MAPK4: variants seen among roughly 807,000 people sequenced by gnomAD.
MAPK4 encodes mitogen-activated protein kinase 4, also known as Erk3-related.
A neutral mutation model predicts 47.7 loss-of-function variants in MAPK4; 22 were observed. The ratio of observed to expected loss-of-function variants is 0.46; its 90% CI spans 0.33 to 0.66. MAPK4 has a LOEUF of 0.66. MAPK4 is among the 30% of genes least tolerant of loss of function. The pLI, the probability that MAPK4 is intolerant of heterozygous loss-of-function variation, is 0.02. For missense variants in MAPK4, 736 were observed against 831.7 expected, an observed-to-expected ratio of 0.88 and a Z score of 1.42; for synonymous variants, 390 against 365.7, an observed-to-expected ratio of 1.07 and a Z score of -0.76.
chr18:50,691,070 G>A (rs539087967), intron 2 of MAPK4, among the ~76,000 whole-genome samples: 1 of 152,196 alleles, frequency 6.6e-6, no homozygotes, highest in Non-Finnish European at 1.5e-5. Flanking sequence ...ATGGCTCACT[G>A]CAACCTCCGC....
intron 1 of MAPK4, among the ~76,000 whole-genome samples, chr18:50,605,249 AAC>A (rs1227417132): frequency 2.0e-5 from 3 of 152,212 alleles, no homozygotes; most frequent in African/African-American, 7.2e-5. Flanking sequence ...CCATGCTTTT[AAC>A]TACTGGATGG....
At chr18:50,612,931 T>C (rs140536171) in intron 1 of MAPK4, among the ~76,000 whole-genome samples, 29 of 152,270 alleles carry the variant, frequency 1.9e-4, no homozygotes, top group African/African-American at 6.0e-4. Flanking sequence ...GTGTGGAACC[T>C]TGTAGCCGGA....
At chr18:50,571,044 T>A (rs2042245758) in intron 1 of MAPK4, among the ~76,000 whole-genome samples, 1 of 152,016 alleles carries the variant, frequency 6.6e-6, no homozygotes, top group South Asian at 2.1e-4. Context: ...CATAGCCTCC[T>A]CCCTCACCCT....
At chr18:50,565,136 G>C (rs2042187833) in intron 1 of MAPK4, among the ~76,000 whole-genome samples, 1 of 152,242 alleles carries the variant, frequency 6.6e-6, no homozygotes, top group South Asian at 2.1e-4. Context: ...GGAGCTAAGA[G>C]AATGTTCTCA....
At chr18:50,613,868 C>T (rs4599004) in intron 1 of MAPK4, among the ~76,000 whole-genome samples, 36,591 of 151,972 alleles carry the variant, frequency 0.24, 4,625 homozygotes, top group East Asian at 0.46. Flanking sequence ...TTTAATTGCC[C>T]TAAGAGAGAC....
intron 1 of MAPK4, among the ~76,000 whole-genome samples, chr18:50,617,228 T>G (rs1030043141): frequency 1.5e-4 from 4 of 26,920 alleles, no homozygotes; most frequent in African/African-American, 5.9e-4. Context: ...GTAAAACAAT[T>G]TGAACAGAAG....
chr18:50,635,451 T>C (rs2042876768), intron 1 of MAPK4, among the ~76,000 whole-genome samples: 1 of 152,156 alleles, frequency 6.6e-6, no homozygotes, highest in Admixed American at 6.5e-5. Context: ...AGTATCCAAA[T>C]TCAAGATACT....
At chr18:50,633,111 T>C (rs7242879) in intron 1 of MAPK4, among the ~76,000 whole-genome samples, 2,271 of 152,306 alleles carry the variant, frequency 0.015, 53 homozygotes, top group African/African-American at 0.047. Context: ...CCAGCTCCCA[T>C]GTCTCTGTAT....
intron 2 of MAPK4, among the ~76,000 whole-genome samples, chr18:50,688,889 T>TTA (rs1555655411): frequency 1.7e-5 from 2 of 115,926 alleles, no homozygotes; most frequent in African/African-American, 3.3e-5. Flanking sequence ...CCTATGGAAA[T>TTA]AAAAAAAAAA....
chr18:50,627,544 C>T (rs1478197811), intron 1 of MAPK4, among the ~76,000 whole-genome samples: 1 of 152,192 alleles, frequency 6.6e-6, no homozygotes, highest in African/African-American at 2.4e-5. Context: ...AGCTGAACAC[C>T]CTGCCACTGT....
rs77677063 is a variant in MAPK4, at chr18:50,721,934, C to T, written c.692-4C>T. 8.1e-3 allele frequency: 13,082 copies of T among 1,613,948 alleles called. 63 individuals carry two copies. Among genetic ancestry groups the T allele is most frequent in the Non-Finnish European group, 9.9e-3 (11,671 of 1,179,974 alleles). On this transcript the variant is annotated splice_region_variant and splice_polypyrimidine_tract_variant and intron_variant, in intron 3 of 5. Transcript: ENST00000400384. Reference sequence around the variant, plus strand: ...CACTTAACCATCTGGCATTGCCTCCCCAGGGGCCCATGAGCTGGAGCAGAT... The same window carrying T: ...CACTTAACCATCTGGCATTGCCTCCTCAGGGGCCCATGAGCTGGAGCAGAT...
In MAPK4 at chr18:50,634,633, T is replaced by C. The variant is rs146233920; in HGVS notation, c.-870-28456T>C. ...TCCCCATAGGCATAAGAGGTGTTTT[T>C]GTAGATCATGGAAGAAATTCTGTGA... On this transcript the variant is annotated intron_variant, in intron 1 of 5. Transcript: ENST00000400384. Among the ~76,000 whole-genome samples, 26 of 152,358 alleles carry C rather than the reference T, an allele frequency of 1.7e-4. 1 individual carries two copies. The East Asian group carries it at 4.6e-3, about 27-fold the overall frequency.
chr18:50,691,216 ACT>A (rs151055444), intron 2 of MAPK4, among the ~76,000 whole-genome samples: 30 of 150,998 alleles, frequency 2.0e-4, no homozygotes, highest in African/African-American at 7.1e-4. Flanking sequence ...TGGTCTCAAA[ACT>A]CTTGATTGCA....
intron 1 of MAPK4, among the ~76,000 whole-genome samples, chr18:50,645,269 G>T (rs944460701): frequency 1.3e-5 from 2 of 151,876 alleles, no homozygotes. Context: ...AACAGCTGGG[G>T]TTAAAGATGA....
rs1910339891 is a variant in MAPK4, at chr18:50,711,178, C to T, written c.547-3901C>T. ...ACCTTCTCTCTATCCTTCAGGGGCC[C>T]CTAATTATGCTCCTCACAGGGCAGC... On this transcript the variant is annotated intron_variant, in intron 2 of 5. Coordinates refer to ENST00000400384, the MANE Select transcript of MAPK4 (RefSeq NM_002747.4). 2.0e-5 allele frequency among the ~76,000 whole-genome samples: 3 copies of T among 152,210 alleles called. 1 individual carries two copies. Among genetic ancestry groups the T allele is most frequent in the African/African-American group, 7.2e-5 (3 of 41,460 alleles).
At chr18:50,653,933 C>T (rs1329762227) in intron 1 of MAPK4, among the ~76,000 whole-genome samples, 1 of 152,180 alleles carries the variant, frequency 6.6e-6, no homozygotes, top group Non-Finnish European at 1.5e-5. Flanking sequence ...CACATGGGCT[C>T]CGACTGAGTG....
chr18:50,589,919 A>G (rs1249676576), intron 1 of MAPK4, among the ~76,000 whole-genome samples: 1 of 152,230 alleles, frequency 6.6e-6, no homozygotes, highest in African/African-American at 2.4e-5. Flanking sequence ...TTGCCAATAT[A>G]TTTATGTAGC....
intron 3 of MAPK4, among the ~76,000 whole-genome samples, chr18:50,716,301 C>T (rs572749761): frequency 2.6e-5 from 4 of 152,218 alleles, no homozygotes; most frequent in Non-Finnish European, 4.4e-5. Context: ...CAGTAGTCAG[C>T]GACGACTGTC....
intron 1 of MAPK4, among the ~76,000 whole-genome samples, chr18:50,628,040 T>A (rs2042796462): frequency 6.6e-6 from 1 of 152,096 alleles, no homozygotes; most frequent in Non-Finnish European, 1.5e-5. Context: ...TTGGTCTGCG[T>A]GGTGACTCCT....
Sources: gnomAD v4.1 joint callset for allele counts (sites outside exome capture counted in the v4.1 genomes callset) on GRCh38, gnomAD v4.1.1 for gene constraint, MANE v1.5 for transcripts, NCBI Gene and HGNC (gene_info 2026-07-23, HGNC 2026-07-21) for gene names.